The following SORCS2 variants were observed in gnomAD, a reference collection of about 807,000 sequenced individuals.
SORCS2 encodes the protein VPS10 domain-containing receptor SorCS2.
In SORCS2, 100 loss-of-function variants were observed where a neutral mutation model predicts 141.6. That is an observed-to-expected ratio of 0.71 (90% CI 0.60 to 0.83). The LOEUF (loss-of-function observed/expected upper bound fraction) is 0.83, where lower values mean the gene tolerates loss of function less well. Ranked by LOEUF, SORCS2 falls within the 40% of genes least tolerant of loss-of-function variation. SORCS2 has a pLI of 0.00. For synonymous variants in SORCS2, 789 were observed against 676.9 expected, an observed-to-expected ratio of 1.17 and a Z score of -2.57; for missense variants, 1,646 against 1,560.2, an observed-to-expected ratio of 1.05 and a Z score of -0.93.
At chr4:7,583,541 C>T (rs1354084969) in intron 3 of SORCS2, among the ~76,000 whole-genome samples, 1 of 152,146 alleles carries the variant, frequency 6.6e-6, no homozygotes, top group African/African-American at 2.4e-5. Context: ...GGGAGGGGCC[C>T]AGTGGGAGAT....
intron 2 of SORCS2, among the ~76,000 whole-genome samples, chr4:7,450,104 G>C (rs1206727346): frequency 6.6e-6 from 1 of 152,214 alleles, no homozygotes; most frequent in Non-Finnish European, 1.5e-5. Flanking sequence ...GGTGCCTTCG[G>C]GACCTGGGCT....
At chr4:7,714,089 G>A in intron 15 of SORCS2, 151 bp from the exon 16 acceptor site, 1 of 1,157,558 alleles carries the variant, frequency 8.6e-7, no homozygotes, top group Admixed American at 2.8e-5. Flanking sequence ...CTTGACTGCA[G>A]ACATGTCACG....
chr4:7,673,868 T>A (rs1240526174), intron 8 of SORCS2, among the ~76,000 whole-genome samples: 2 of 151,576 alleles, frequency 1.3e-5, no homozygotes, highest in East Asian at 3.9e-4. Context: ...CCTGCAGGAG[T>A]CTCACATCCT....
chr4:7,728,180 G>A (rs1257181339), intron 21 of SORCS2, among the ~76,000 whole-genome samples, 170 bp from the exon 22 acceptor site: 1 of 152,182 alleles, frequency 6.6e-6, no homozygotes, highest in African/African-American at 2.4e-5. Context: ...ACTAAATCAG[G>A]ACTGCTGTCG....
At chr4:7,405,776 T>C (rs1387933472) in intron 2 of SORCS2, among the ~76,000 whole-genome samples, 5 of 152,138 alleles carry the variant, frequency 3.3e-5, no homozygotes, top group African/African-American at 4.8e-5. Context: ...GATCATGTCA[T>C]CAGTAAACAG....
chr4:7,710,443 A>G (rs1244752208), intron 14 of SORCS2, among the ~76,000 whole-genome samples: 1 of 151,884 alleles, frequency 6.6e-6, no homozygotes, highest in African/African-American at 2.4e-5. Context: ...TATACCTTCC[A>G]TAATGCCACA....
chr4:7,715,106 C>A (rs1726099403), intron 16 of SORCS2, 77 bp from the exon 17 acceptor site: 2 of 1,583,930 alleles, frequency 1.3e-6, no homozygotes, highest in Middle Eastern at 1.7e-4. Flanking sequence ...TCAGCTCCCC[C>A]AGATTTCACC....
In SORCS2 at chr4:7,531,472, C is replaced by A; in HGVS notation, c.549-58C>A. 3.9e-6 allele frequency: 6 copies of A among 1,532,730 alleles called. No homozygotes were observed. The South Asian group carries it at 5.8e-5, about 15-fold the overall frequency. 94.9% of individuals were successfully genotyped at this position (1,532,730 alleles called of 1,614,324 possible). A position where few individuals can be genotyped will look rare whatever the true frequency, so the allele number is the denominator to read the frequency against. ...GGGCAGGGGCTGGACACCGTGTGGG[C>A]TGACGAAGGCCACACTTGGAGGGTA... On this transcript the variant is annotated intron_variant, in intron 2 of 26. Transcript: ENST00000507866.
intron 11 of SORCS2, among the ~76,000 whole-genome samples, 165 bp downstream of exon 11, chr4:7,689,753 G>A (rs113205653): frequency 1.4e-3 from 212 of 152,396 alleles, no homozygotes; most frequent in African/African-American, 4.9e-3. Flanking sequence ...GGCAAATTCC[G>A]AGAAATGAAT....
intron 10 of SORCS2, 121 bp from the exon 11 acceptor site, chr4:7,689,365 G>T: frequency 2.4e-6 from 2 of 832,716 alleles, no homozygotes; most frequent in Admixed American, 4.4e-5. Flanking sequence ...TTCCTCCAAG[G>T]CACTCCTGGC....
At chr4:7,485,811 G>A (rs562829518) in intron 2 of SORCS2, among the ~76,000 whole-genome samples, 5 of 152,182 alleles carry the variant, frequency 3.3e-5, no homozygotes, top group African/African-American at 7.2e-5. Flanking sequence ...AGGGAGAGAC[G>A]TGTGGAGGGA....
intron 26 of SORCS2, among the ~76,000 whole-genome samples, chr4:7,738,476 C>T (rs75435550): frequency 5.9e-5 from 9 of 152,326 alleles, no homozygotes; most frequent in Admixed American, 2.0e-4. Context: ...CCCGGCGTCT[C>T]CCCTACAGTT....
intron 10 of SORCS2, among the ~76,000 whole-genome samples, chr4:7,686,206 TG>T (rs1560482916): frequency 6.6e-6 from 1 of 152,200 alleles, no homozygotes; most frequent in Non-Finnish European, 1.5e-5. Flanking sequence ...TGATCAGATC[TG>T]TTTTAGGATG....
At chr4:7,697,152 G>C (rs1724763654) in intron 11 of SORCS2, 46 bp from the exon 12 acceptor site, 1 of 1,507,296 alleles carries the variant, frequency 6.6e-7, no homozygotes, top group Non-Finnish European at 9.0e-7. Context: ...AAGGGGTAAA[G>C]CTGGACGATC....
At chr4:7,451,513 C>A (rs1307742936) in intron 2 of SORCS2, among the ~76,000 whole-genome samples, 1 of 152,282 alleles carries the variant, frequency 6.6e-6, no homozygotes, top group African/African-American at 2.4e-5. Flanking sequence ...TGTCCCTACT[C>A]CTGAAGAGTG....
intron 2 of SORCS2, among the ~76,000 whole-genome samples, chr4:7,481,925 G>GGCT (rs1210124331): frequency 1.3e-4 from 14 of 103,836 alleles, no homozygotes; most frequent in East Asian, 5.7e-4. Context: ...GGACACCCCT[G>GGCT]ACGTTGTTCA....
At position 7,660,273 on chromosome 4, in the gene SORCS2, G is replaced by A. The variant is rs73794360; in HGVS notation, c.888-1227G>A. Among the ~76,000 whole-genome samples the A allele has an allele frequency of 2.2e-3, 338 of 152,322 alleles. 1 individual carries two copies. The highest frequency in any genetic ancestry group is 7.9e-3 in the African/African-American group (328 of 41,590). ...GAGGGGAGTCAGACAGGGATGAGGT[G>A]TGGGTGGATTGAGGGTGGAGTGGGA... On this transcript the variant is annotated intron_variant, in intron 5 of 26. Coordinates refer to ENST00000507866, the MANE Select transcript of SORCS2 (RefSeq NM_020777.3).
intron 3 of SORCS2, among the ~76,000 whole-genome samples, chr4:7,625,014 A>G (rs1719432613): frequency 6.6e-6 from 1 of 152,230 alleles, no homozygotes. Flanking sequence ...ATGCTCTGAA[A>G]TGTATTTGCC....
At chr4:7,401,068 T>C (rs1350755430) in intron 2 of SORCS2, among the ~76,000 whole-genome samples, 1 of 151,960 alleles carries the variant, frequency 6.6e-6, no homozygotes, top group Non-Finnish European at 1.5e-5. Context: ...GATTGATGGA[T>C]GGATGAATGG....
Sources: allele counts gnomAD v4.1 joint callset (sites outside exome capture counted in the v4.1 genomes callset), GRCh38; gene constraint gnomAD v4.1.1; transcripts MANE v1.5; gene names NCBI Gene and HGNC (gene_info 2026-07-23, HGNC 2026-07-21).